The following ATR variants were observed in gnomAD, a reference collection of about 807,000 sequenced individuals.
The protein encoded by ATR is serine/threonine-protein kinase ATR.
ATR carries 142 observed loss-of-function variants against 305.3 expected under a neutral mutation model. The ratio of observed to expected loss-of-function variants is 0.47; its 90% CI spans 0.41 to 0.53. ATR has a LOEUF of 0.53. Ranked by LOEUF, ATR falls within the 20% of genes least tolerant of loss-of-function variation. The probability of loss-of-function intolerance (pLI) is 0.00; values close to 1 mark genes in which losing one functional copy is unlikely to be tolerated. For missense variants in ATR, 2,135 were observed against 3,133.1 expected (o/e 0.68, Z 7.60); for synonymous variants, 1,050 against 1,068.1 (o/e 0.98, Z 0.33).
intron 33 of ATR, 28 bp downstream of exon 33, chr3:142,496,985 C>A (rs774631268): frequency 1.3e-6 from 2 of 1,599,974 alleles, no homozygotes; most frequent in South Asian, 2.2e-5. Flanking sequence ...AGATAAGTGA[C>A]ATTTTTAAAA....
chr3:142,501,639 C>T (rs372505990), intron 30 of ATR, among the ~76,000 whole-genome samples: 13 of 152,284 alleles, frequency 8.5e-5, no homozygotes, highest in African/African-American at 3.1e-4. Context: ...AGAAGACATA[C>T]AAGCAGCCAA....
chr3:142,482,989 C>CTT (rs56912666), intron 36 of ATR, among the ~76,000 whole-genome samples: 1 of 135,684 alleles, frequency 7.4e-6, no homozygotes. Context: ...CCCTTTCTTT[C>CTT]TTTTTTTTTT....
chr3:142,549,318 T>C (rs1197012789), intron 15 of ATR, among the ~76,000 whole-genome samples, 161 bp downstream of exon 15: 4 of 152,198 alleles, frequency 2.6e-5, no homozygotes, highest in Non-Finnish European at 4.4e-5. Flanking sequence ...TTCTATTTAA[T>C]ATGCTCTCAG....
chr3:142,573,641 G>A (rs949912364), intron 1 of ATR, among the ~76,000 whole-genome samples: 1 of 151,916 alleles, frequency 6.6e-6, no homozygotes, highest in Non-Finnish European at 1.5e-5. Context: ...TTATTTTCTG[G>A]TAGCCACATT....
At chr3:142,471,327 A>G (rs2108282420) in intron 36 of ATR, among the ~76,000 whole-genome samples, 1 of 152,288 alleles carries the variant, frequency 6.6e-6, no homozygotes, top group East Asian at 1.9e-4. Flanking sequence ...TGTCTACATC[A>G]CATTTTGCTG....
chr3:142,458,635 AC>A lies in ATR; in HGVS notation c.7503+322del, dbSNP rs2070959444. 2.0e-5 allele frequency among the ~76,000 whole-genome samples: 3 copies of A among 151,996 alleles called. No individual in the cohort carries two copies. The South Asian group carries it at 6.2e-4, about 32-fold the overall frequency. ...GAATTGGAAACTATCGTATTAAACT[AC>A]TCTGTCTCTCTAAAACTGAGTCTCA... On this transcript the variant is annotated intron_variant, in intron 44 of 46. Coordinates refer to ENST00000350721, the MANE Select transcript of ATR (RefSeq NM_001184.4).
intron 29 of ATR, among the ~76,000 whole-genome samples, chr3:142,504,608 G>A (rs927995083): frequency 3.3e-5 from 5 of 151,184 alleles, no homozygotes; most frequent in Admixed American, 6.6e-5. Flanking sequence ...GATTACAGGC[G>A]CTCGCCACCA....
intron 1 of ATR, among the ~76,000 whole-genome samples, chr3:142,572,786 A>C (rs1268548904): frequency 1.3e-5 from 2 of 152,062 alleles, no homozygotes; most frequent in African/African-American, 4.8e-5. Context: ...ATAGAAAAGA[A>C]AAAAAAGAAC....
chr3:142,558,286 G>C (rs750863615), intron 8 of ATR, among the ~76,000 whole-genome samples: 2 of 151,982 alleles, frequency 1.3e-5, no homozygotes, highest in Non-Finnish European at 2.9e-5. Flanking sequence ...ACTTTAGAAG[G>C]CTGGGGCAGG....
At chr3:142,565,355 A>C (rs1185414321) in intron 3 of ATR, among the ~76,000 whole-genome samples, 1 of 152,216 alleles carries the variant, frequency 6.6e-6, no homozygotes, top group Non-Finnish European at 1.5e-5. Flanking sequence ...AAAATACTTT[A>C]TCCATTATAC....
rs756619701 is a variant in ATR, at chr3:142,524,161, T to C, written c.3984A>G (p.Val1328=). 2 of 1,614,054 alleles carry C rather than the reference T, an allele frequency of 1.2e-6. No individual in the cohort carries two copies. Among genetic ancestry groups the C allele is most frequent in the Admixed American group, 1.7e-5 (1 of 60,024 alleles). ...TCACCAACTGTGAGATAATAGGTTC[T>C]ACTGTTTCACTGTCTGTTGCATACT... is the stretch of plus-strand genomic sequence containing the variant. ...LIKYATDSET[V]EPIISQLVTV... The change falls in exon 22 of 47, where the codon GTA becomes GTG. Residue 1328 remains valine (V), a synonymous_variant. Coordinates refer to ENST00000350721, the MANE Select transcript of ATR (RefSeq NM_001184.4).
chr3:142,457,896 G>GT (rs2070941067), intron 44 of ATR, 141 bp from the exon 45 acceptor site: 1 of 935,056 alleles, frequency 1.1e-6, no homozygotes, highest in African/African-American at 1.7e-5. Flanking sequence ...TTAGAAGTTT[G>GT]TAACATGAAG....
At chr3:142,457,988 A>C (rs991060649) in intron 44 of ATR, among the ~76,000 whole-genome samples, 6 of 152,206 alleles carry the variant, frequency 3.9e-5, no homozygotes, top group African/African-American at 1.4e-4. Context: ...AAGTGGACTT[A>C]CCTTTCACTG....
intron 35 of ATR, among the ~76,000 whole-genome samples, chr3:142,487,770 T>C (rs1034158998): frequency 3.3e-5 from 5 of 152,140 alleles, no homozygotes; most frequent in Admixed American, 3.3e-4. Flanking sequence ...GAAGTTATTG[T>C]TTATTTTAGG....
At chr3:142,459,516 T>C in intron 42 of ATR, 133 bp from the exon 43 acceptor site, 1 of 1,037,240 alleles carries the variant, frequency 9.6e-7, no homozygotes. Context: ...TAAAGGAACA[T>C]TTTTCAATTA....
At chr3:142,471,759 T>C (rs1269779836) in intron 36 of ATR, among the ~76,000 whole-genome samples, 1 of 152,180 alleles carries the variant, frequency 6.6e-6, no homozygotes, top group Non-Finnish European at 1.5e-5. Context: ...ATAAAATCTA[T>C]TCTCAGCAAT....
intron 46 of ATR, chr3:142,451,334 A>T: frequency 7.7e-7 from 1 of 1,297,670 alleles, no homozygotes; most frequent in Non-Finnish European, 1.0e-6. Context: ...GTGTTGCAAC[A>T]AAAAATTTTC....
chr3:142,506,523 C>CA (rs1359497514), intron 28 of ATR, among the ~76,000 whole-genome samples: 2 of 151,902 alleles, frequency 1.3e-5, no homozygotes, highest in South Asian at 2.1e-4. Flanking sequence ...CCCGTCTCTA[C>CA]AAAAAATACA....
At chr3:142,450,418 G>GACC in intron 46 of ATR, 1 of 1,586,356 alleles carries the variant, frequency 6.3e-7, no homozygotes, top group Non-Finnish European at 8.6e-7. Context: ...TTTCACTTGT[G>GACC]ACAAGTTTAG....
Sources: gnomAD v4.1 joint callset for allele counts (sites outside exome capture counted in the v4.1 genomes callset) on GRCh38, gnomAD v4.1.1 for gene constraint, MANE v1.5 for transcripts, NCBI Gene and HGNC (gene_info 2026-07-23, HGNC 2026-07-21) for gene names.